Variants in DPP10 observed in about 807,000 individuals in gnomAD.
The protein encoded by DPP10 is dipeptidyl peptidase like 10.
In DPP10, 33 loss-of-function variants were observed where a neutral mutation model predicts 120.9. The observed-to-expected ratio is 0.27, with a 90% CI of 0.21 to 0.37. The LOEUF is 0.37. Ranked by LOEUF, DPP10 falls within the 10% of genes least tolerant of loss-of-function variation. The pLI is 1.00. For synonymous variants in DPP10, 337 were observed against 326.1 expected, an observed-to-expected ratio of 1.03 and a Z score of -0.36; for missense variants, 816 against 942.8, an observed-to-expected ratio of 0.87 and a Z score of 1.76.
rs191503419 is a variant in DPP10, at chr2:115,809,712, C to T, written c.1701-5081C>T. ...TGAGATGACTATAAAGCAGTTCTCT[C>T]TATGTCCCCTCTTTCCACTGCCCCA... On this transcript the variant is annotated intron_variant, in intron 19 of 25. Transcript: ENST00000410059. Among the ~76,000 whole-genome samples, 310 of 152,272 alleles carry T rather than the reference C, an allele frequency of 2.0e-3. 1 individual carries two copies. Among genetic ancestry groups the T allele is most frequent in the African/African-American group, 7.3e-3 (302 of 41,552 alleles).
At chr2:115,023,578 C>T (rs539958083) in intron 1 of DPP10, among the ~76,000 whole-genome samples, 1 of 152,094 alleles carries the variant, frequency 6.6e-6, no homozygotes, top group African/African-American at 2.4e-5. Flanking sequence ...CTAGGGCAAA[C>T]AGTGTGGAGA....
intron 1 of DPP10, among the ~76,000 whole-genome samples, chr2:114,688,713 G>A (rs1184745104): frequency 6.6e-6 from 1 of 151,936 alleles, no homozygotes; most frequent in Non-Finnish European, 1.5e-5. Context: ...GCGCATGTGA[G>A]GACAAACCAT....
chr2:114,853,317 AT>A (rs981644406), intron 1 of DPP10, among the ~76,000 whole-genome samples: 3 of 152,092 alleles, frequency 2.0e-5, no homozygotes, highest in African/African-American at 4.8e-5. Flanking sequence ...ACTACTACTA[AT>A]TTTTTTTATA....
intron 1 of DPP10, among the ~76,000 whole-genome samples, chr2:114,642,760 C>T (rs1245595917): frequency 6.6e-6 from 1 of 151,712 alleles, no homozygotes; most frequent in Non-Finnish European, 1.5e-5. Flanking sequence ...TGTTTCTTAA[C>T]AACTGCTTAA....
chr2:115,254,407 G>A (rs1301293615), intron 1 of DPP10, among the ~76,000 whole-genome samples: 1 of 152,118 alleles, frequency 6.6e-6, no homozygotes, highest in African/African-American at 2.4e-5. Context: ...AGGATTATGG[G>A]AACTATAATT....
chr2:114,664,729 T>C (rs1409278829), intron 1 of DPP10, among the ~76,000 whole-genome samples: 1 of 150,482 alleles, frequency 6.6e-6, no homozygotes, highest in African/African-American at 2.4e-5. Context: ...ACAGATGGCA[T>C]AGAGCATCCA....
chr2:114,568,601 G>C (rs1475547877), intron 1 of DPP10, among the ~76,000 whole-genome samples: 1 of 152,176 alleles, frequency 6.6e-6, no homozygotes, highest in Non-Finnish European at 1.5e-5. Context: ...GATCTGACCT[G>C]TTTGACTTTT....
At chr2:115,528,060 T>C (rs1357766606) in intron 5 of DPP10, among the ~76,000 whole-genome samples, 3 of 152,166 alleles carry the variant, frequency 2.0e-5, no homozygotes, top group Admixed American at 6.6e-5. Flanking sequence ...CAGCATTATT[T>C]GTATTCCTTT....
At chr2:115,110,311 T>C (rs2049151593) in intron 1 of DPP10, among the ~76,000 whole-genome samples, 2 of 152,144 alleles carry the variant, frequency 1.3e-5, no homozygotes, top group South Asian at 4.1e-4. Flanking sequence ...GCAAACCAAC[T>C]TAGTCTCCGT....
intron 8 of DPP10, among the ~76,000 whole-genome samples, chr2:115,734,843 A>C (rs767595945): frequency 6.6e-6 from 1 of 152,166 alleles, no homozygotes; most frequent in Admixed American, 6.5e-5. Flanking sequence ...AACTGAAGAA[A>C]GGTGGCACGT....
At chr2:115,632,996 A>T (rs2086008740) in intron 5 of DPP10, among the ~76,000 whole-genome samples, 1 of 152,152 alleles carries the variant, frequency 6.6e-6, no homozygotes, top group Non-Finnish European at 1.5e-5. Context: ...CTGTAAACTA[A>T]TTCAACCATT....
At chr2:115,763,401 C>G (rs1405068579) in intron 12 of DPP10, among the ~76,000 whole-genome samples, 1 of 152,106 alleles carries the variant, frequency 6.6e-6, no homozygotes. Flanking sequence ...TAGCTTCATA[C>G]TCCCCAGGTC....
intron 5 of DPP10, among the ~76,000 whole-genome samples, chr2:115,529,662 A>T (rs2078346952): frequency 6.6e-6 from 1 of 152,148 alleles, no homozygotes; most frequent in South Asian, 2.1e-4. Context: ...GTAGTAAAAA[A>T]TGATCAATTA....
chr2:114,967,305 T>G (rs966014629), intron 1 of DPP10, among the ~76,000 whole-genome samples: 1 of 152,180 alleles, frequency 6.6e-6, no homozygotes, highest in Non-Finnish European at 1.5e-5. Flanking sequence ...CCAAGTGAGT[T>G]GTCCTGAGAT....
intron 3 of DPP10, among the ~76,000 whole-genome samples, chr2:115,370,576 A>G (rs190478864): frequency 2.0e-5 from 3 of 152,240 alleles, no homozygotes; most frequent in African/African-American, 7.2e-5. Flanking sequence ...CCTGGATTAC[A>G]TGATGGTTAA....
At chr2:115,828,216 T>G (rs994871339) in intron 21 of DPP10, among the ~76,000 whole-genome samples, 2 of 152,092 alleles carry the variant, frequency 1.3e-5, no homozygotes, top group Non-Finnish European at 2.9e-5. Context: ...CTGGTTTGCA[T>G]TTTTTTCAAT....
intron 1 of DPP10, among the ~76,000 whole-genome samples, chr2:114,967,162 G>A (rs1699092664): frequency 6.6e-6 from 1 of 152,104 alleles, no homozygotes; most frequent in Admixed American, 6.6e-5. Context: ...AATAATAGGG[G>A]ATATAAAGTT....
chr2:115,587,365 A>G (rs1159137073), intron 5 of DPP10, among the ~76,000 whole-genome samples: 1 of 151,832 alleles, frequency 6.6e-6, no homozygotes, highest in Non-Finnish European at 1.5e-5. Context: ...CCCAAAGTGA[A>G]CATTGTCCTT....
At chr2:115,623,502 G>A (rs1004323389) in intron 5 of DPP10, among the ~76,000 whole-genome samples, 7 of 151,852 alleles carry the variant, frequency 4.6e-5, no homozygotes, top group South Asian at 2.1e-4. Context: ...ATATTTATTC[G>A]GTATAGTTGT....
Sources: gnomAD v4.1 joint callset for allele counts (sites outside exome capture counted in the v4.1 genomes callset) on GRCh38, gnomAD v4.1.1 for gene constraint, MANE v1.5 for transcripts, NCBI Gene and HGNC (gene_info 2026-07-23, HGNC 2026-07-21) for gene names.